The following CYP46A1 variants were observed in gnomAD, a reference collection of about 807,000 sequenced individuals.
CYP46A1 encodes the protein cholesterol 24-hydroxylase.
Under a neutral mutation model 63.3 loss-of-function variants are expected in CYP46A1, and 20 were observed. That is an observed-to-expected ratio of 0.32 (90% CI 0.22 to 0.46). The LOEUF (loss-of-function observed/expected upper bound fraction) is 0.46, where lower values mean the gene tolerates loss of function less well. CYP46A1 is among the 20% of genes least tolerant of loss of function. CYP46A1 has a pLI of 1.00. For missense variants in CYP46A1, 445 were observed against 670.8 expected, an observed-to-expected ratio of 0.66 and a Z score of 3.72; for synonymous variants, 268 against 273.6, an observed-to-expected ratio of 0.98 and a Z score of 0.20.
rs1484537950 is a variant in CYP46A1 at position 99,725,043 on chromosome 14, G to A, written c.1177-348G>A. The stretch of plus-strand genomic sequence containing the variant: ...CAGATCTGAGTTTGAATCCCGGTTT[G>A]GCCATTTATTTGCCTGGTGACTTCA... On this transcript the variant is annotated intron_variant, in intron 12 of 14. Coordinates refer to ENST00000261835, the MANE Select transcript of CYP46A1 (RefSeq NM_006668.2). This position sits in a 1 kb window ranked among gnomAD's most constrained non-coding sequence, Gnocchi z 4.2. 6.6e-6 allele frequency among the ~76,000 whole-genome samples: 1 copy of A among 152,184 alleles called. No individual in the cohort carries two copies. Among genetic ancestry groups the A allele is most frequent in the Non-Finnish European group, 1.5e-5 (1 of 68,036 alleles).
At chr14:99,693,758 A>C (rs1272087160) in intron 3 of CYP46A1, 1 of 152,072 alleles carries the variant, frequency 6.6e-6, no homozygotes, top group Admixed American at 6.6e-5. Context: ...TATTTGAGGG[A>C]AATTTTTATT....
chr14:99,726,051 A>G (rs2056893400), intron 13 of CYP46A1, 139 bp from the exon 14 acceptor site: 1 of 734,374 alleles, frequency 1.4e-6, no homozygotes, highest in Non-Finnish European at 2.4e-6. Flanking sequence ...TCAGCGGTTC[A>G]TGCTTTGCAT....
chr14:99,706,494 C>T, intron 5 of CYP46A1, 153 bp from the exon 6 acceptor site: 1 of 925,928 alleles, frequency 1.1e-6, no homozygotes, highest in Non-Finnish European at 1.6e-6. Context: ...CAACTCCAAC[C>T]TGCAATCTGG....
chr14:99,710,956 A>G (rs768247244), intron 7 of CYP46A1: 6 of 152,152 alleles, frequency 3.9e-5, no homozygotes, highest in Non-Finnish European at 7.4e-5. Context: ...CATATCAAGT[A>G]TCTTCTCAGA....
chr14:99,706,472 G>C, intron 5 of CYP46A1, 175 bp from the exon 6 acceptor site: 2 of 707,188 alleles, frequency 2.8e-6, no homozygotes, highest in Non-Finnish European at 4.7e-6. Flanking sequence ...CCAGGGTGTA[G>C]TTCAGTTACT....
intron 5 of CYP46A1, among the ~76,000 whole-genome samples, chr14:99,701,992 C>T (rs1420198916): frequency 6.6e-6 from 1 of 150,994 alleles, no homozygotes; most frequent in East Asian, 1.9e-4. Flanking sequence ...ATCACTTGAA[C>T]CTGGGAGGCG....
chr14:99,701,201 GA>G (rs971256822), intron 5 of CYP46A1, among the ~76,000 whole-genome samples: 49 of 152,064 alleles, frequency 3.2e-4, no homozygotes, highest in African/African-American at 2.9e-4. Context: ...ATTGAAGAAA[GA>G]AAAAAAATTT....
chr14:99,695,345 TA>T (rs2056578216), intron 3 of CYP46A1: 1 of 342,234 alleles, frequency 2.9e-6, no homozygotes, highest in African/African-American at 2.2e-5. Flanking sequence ...AAATCCTTTC[TA>T]ATTTTCTGTC....
intron 5 of CYP46A1, among the ~76,000 whole-genome samples, chr14:99,701,699 T>C (rs2056631973): frequency 6.6e-6 from 1 of 152,220 alleles, no homozygotes; most frequent in African/African-American, 2.4e-5. Context: ...AAGTGTACGA[T>C]TCAATGGCGT....
At chr14:99,714,671 A>C (rs1295774010) in intron 7 of CYP46A1, among the ~76,000 whole-genome samples, 2 of 152,052 alleles carry the variant, frequency 1.3e-5, no homozygotes, top group African/African-American at 4.8e-5. Context: ...GAAGCAGGAG[A>C]ATCACCTGAA....
At position 99,706,332 on chromosome 14, in the gene CYP46A1, G is replaced by A. The variant is rs576305182; in HGVS notation, c.444-315G>A. 3 of 253,446 alleles carry A rather than the reference G, an allele frequency of 1.2e-5. No homozygotes were observed. The South Asian group carries it at 2.0e-4, about 17-fold the overall frequency. The allele number at this position is 253,446 out of a possible 1,614,324, so 15.7% of individuals were successfully genotyped here. ...TCTCATGGACTGTAGGAGGCCCAAA[G>A]TTTCTACACTGTCACGTCCCTTTGA... On this transcript the variant is annotated intron_variant, in intron 5 of 14. Coordinates refer to ENST00000261835, the MANE Select transcript of CYP46A1 (RefSeq NM_006668.2).
chr14:99,725,302 T>G lies in CYP46A1; in HGVS notation c.1177-89T>G. 4 of 999,328 alleles carry G rather than the reference T, an allele frequency of 4.0e-6. No homozygotes were observed. Among genetic ancestry groups the G allele is most frequent in the Non-Finnish European group, 6.3e-6 (4 of 630,152 alleles). The allele number at this position is 999,328 out of a possible 1,614,324, so 61.9% of individuals were successfully genotyped here. A position where few individuals can be genotyped will look rare whatever the true frequency, so the allele number is the denominator to read the frequency against. The stretch of plus-strand genomic sequence containing the variant: ...GAGGAGAGTGGGACCCACTCTGCTC[T>G]GAGTAGCCCTGTTGGGTGGCCTCAG... On this transcript the variant is annotated intron_variant, in intron 12 of 14. Transcript: ENST00000261835. The surrounding 1 kb of genome is among the most constrained non-coding windows in gnomAD (Gnocchi z 4.2).
At chr14:99,721,898 G>A (rs1442621228) in intron 11 of CYP46A1, 58 bp from the exon 12 acceptor site, 13 of 1,439,980 alleles carry the variant, frequency 9.0e-6, no homozygotes, top group African/African-American at 2.8e-5. Flanking sequence ...GCCGCCGGCC[G>A]GCATGATCTG....
chr14:99,721,195 C>A, intron 10 of CYP46A1, 44 bp from the exon 11 acceptor site: 1 of 1,467,536 alleles, frequency 6.8e-7, no homozygotes, highest in Non-Finnish European at 9.6e-7. Context: ...AAGTCGGGGA[C>A]AGGCTCCCTT....
At chr14:99,717,065 G>C in intron 9 of CYP46A1, among the ~76,000 whole-genome samples, 1 of 152,148 alleles carries the variant, frequency 6.6e-6, no homozygotes, top group South Asian at 2.1e-4. Context: ...CAAGGCTGCA[G>C]GGCGCCATTC....
chr14:99,705,955 C>A (rs1054750445), intron 5 of CYP46A1: 1 of 152,238 alleles, frequency 6.6e-6, no homozygotes, highest in South Asian at 2.1e-4. Context: ...AATAACATTT[C>A]TTTTAATTAT....
At position 99,726,935 on chromosome 14, in the gene CYP46A1, T is replaced by C. The variant is rs919537524; in HGVS notation, c.*208T>C. The C allele has an allele frequency of 1.6e-5, 7 of 441,456 alleles. No individual in the cohort carries two copies. Among genetic ancestry groups the C allele is most frequent in the Non-Finnish European group, 2.8e-5 (7 of 252,878 alleles). The allele number at this position is 441,456 out of a possible 1,614,324, so 27.3% of individuals were successfully genotyped here. On this transcript the variant is annotated 3_prime_UTR_variant, in exon 15 of 15. Transcript: ENST00000261835. ...TCCATGGCCCTTCCTGGACTGGCCC[T>C]TGCCCAACTCCCAGCCACCACCACT...
At chr14:99,684,865 G>A in intron 1 of CYP46A1, 1 of 427,184 alleles carries the variant, frequency 2.3e-6, no homozygotes, top group South Asian at 1.7e-5. Context: ...TCACACGGTT[G>A]GTAAGCCTAG....
Position 99,691,093 on chromosome 14 carries a change from A to G in CYP46A1, c.132A>G (p.Gly44=). 6.2e-7 allele frequency: 1 copy of G among 1,613,964 alleles called. No individual in the cohort carries two copies. Among genetic ancestry groups the G allele is most frequent in the Non-Finnish European group, 8.5e-7 (1 of 1,179,952 alleles). Residue 44 remains glycine (G), a synonymous_variant, in exon 2 of 15, where the codon GGA becomes GGG. Coordinates refer to ENST00000261835, the MANE Select transcript of CYP46A1 (RefSeq NM_006668.2). ...PGPPRPSFLL[G]HLPCFWKKDE... ...CTGTTTCTTCTAGTTTCCTTCTAGGACACCTCCCCTGCTTTTGGAAAAAGG... is the reference window on the plus strand; with the variant it reads ...CTGTTTCTTCTAGTTTCCTTCTAGGGCACCTCCCCTGCTTTTGGAAAAAGG...
Sources: gnomAD v4.1 joint callset for allele counts (sites outside exome capture counted in the v4.1 genomes callset) on GRCh38, gnomAD v4.1.1 for gene constraint, Gnocchi (gnomAD v3.1) non-coding constraint, MANE v1.5 for transcripts, NCBI Gene and HGNC (gene_info 2026-07-23, HGNC 2026-07-21) for gene names.